The following CAMTA1 variants were observed in gnomAD, a reference collection of about 807,000 sequenced individuals.
CAMTA1 encodes calmodulin binding transcription activator 1, also known as calmodulin-binding transcription activator 1.
A neutral mutation model predicts 170.9 loss-of-function variants in CAMTA1; 27 were observed. That is an observed-to-expected ratio of 0.16 (90% CI 0.12 to 0.22). The LOEUF is 0.22. Ranked by LOEUF, CAMTA1 falls within the 10% of genes least tolerant of loss-of-function variation. The pLI is 1.00. For missense variants in CAMTA1, 1,619 were observed against 2,217.2 expected, an observed-to-expected ratio of 0.73 and a Z score of 5.42; for synonymous variants, 833 against 891.5, an observed-to-expected ratio of 0.93 and a Z score of 1.17.
chr1:7,174,663 C>A lies in CAMTA1; in HGVS notation c.303-74828C>A, dbSNP rs573522222. On this transcript the variant is annotated intron_variant, in intron 4 of 22. Transcript: ENST00000303635. Reference sequence around the variant, plus strand: ...GGGCGACTGCATAAAGAACCTGAGACCCAGTTCTGCAGAGCTCAGCTTCCT... The same window carrying A: ...GGGCGACTGCATAAAGAACCTGAGAACCAGTTCTGCAGAGCTCAGCTTCCT... Among the ~76,000 whole-genome samples the A allele has an allele frequency of 8.5e-5, 13 of 152,334 alleles. No homozygotes were observed. The South Asian group carries it at 2.7e-3, about 32-fold the overall frequency.
At chr1:6,872,216 C>T (rs1334477415) in intron 3 of CAMTA1, among the ~76,000 whole-genome samples, 2 of 150,610 alleles carry the variant, frequency 1.3e-5, no homozygotes, top group Non-Finnish European at 3.0e-5. Flanking sequence ...CACCTTATCA[C>T]ACATACACCC....
chr1:6,798,381 T>C (rs1485740206), intron 1 of CAMTA1, among the ~76,000 whole-genome samples: 1 of 152,184 alleles, frequency 6.6e-6, no homozygotes, highest in Non-Finnish European at 1.5e-5. Context: ...AGTTATGGGC[T>C]ATTATTATTA....
chr1:7,312,170 C>T (rs1185693723), intron 5 of CAMTA1, among the ~76,000 whole-genome samples: 2 of 152,124 alleles, frequency 1.3e-5, no homozygotes, highest in Non-Finnish European at 2.9e-5. Flanking sequence ...TTCTCCTTAC[C>T]TCCTTGGGAT....
chr1:6,905,980 G>A (rs570166278), intron 3 of CAMTA1, among the ~76,000 whole-genome samples: 3 of 152,334 alleles, frequency 2.0e-5, no homozygotes, highest in African/African-American at 7.2e-5. Flanking sequence ...TCAGATAGAT[G>A]TCCTGAAGGG....
intron 3 of CAMTA1, among the ~76,000 whole-genome samples, chr1:6,987,917 C>T (rs1373553261): frequency 6.6e-6 from 1 of 152,102 alleles, no homozygotes; most frequent in Non-Finnish European, 1.5e-5. Flanking sequence ...CAAGAGCCGG[C>T]GTCTGTCATC....
chr1:7,176,656 G>T (rs1327877737), intron 4 of CAMTA1, among the ~76,000 whole-genome samples: 2 of 152,202 alleles, frequency 1.3e-5, no homozygotes, highest in Admixed American at 6.5e-5. Context: ...GGGCATAGGA[G>T]CACTCACGGG....
intron 5 of CAMTA1, among the ~76,000 whole-genome samples, chr1:7,390,736 C>A (rs374717269): frequency 3.3e-5 from 5 of 152,258 alleles, no homozygotes; most frequent in Non-Finnish European, 5.9e-5. Context: ...ACCTCTCCCC[C>A]ACATGCATTC....
In CAMTA1 at chr1:7,293,186, G is replaced by A. The variant is rs1016504208; in HGVS notation, c.438+43560G>A. Among the ~76,000 whole-genome samples, 5 of 152,298 alleles carry A rather than the reference G, an allele frequency of 3.3e-5. No homozygotes were observed. In the South Asian group the frequency reaches 6.2e-4, roughly 19 times the overall value. On this transcript the variant is annotated intron_variant, in intron 5 of 22. Transcript: ENST00000303635. This position sits in a 1 kb window ranked among gnomAD's most constrained non-coding sequence, Gnocchi z 4.1. ...GGCTGCCTTCCTGGGAAGGGATTGC[G>A]CTGCAGAAGCTGGGGCTGGTAAAGG...
At position 7,547,898 on chromosome 1, in the gene CAMTA1, G is replaced by A. The variant is rs563774801; in HGVS notation, c.510+79997G>A. On this transcript the variant is annotated intron_variant, in intron 6 of 22. Transcript: ENST00000303635. The surrounding 1 kb of genome is among the most constrained non-coding windows in gnomAD (Gnocchi z 5.7). Reference sequence around the variant, plus strand: ...CACTGTGTGGACCCCCCACTCACCCGTCAATATGCCCTTATGCTGTTGTAA... The same window carrying A: ...CACTGTGTGGACCCCCCACTCACCCATCAATATGCCCTTATGCTGTTGTAA... 1.8e-4 allele frequency among the ~76,000 whole-genome samples: 28 copies of A among 152,052 alleles called. No individual in the cohort carries two copies. The South Asian group carries it at 2.7e-3, about 15-fold the overall frequency.
chr1:6,824,714 AT>A (rs1646913731), intron 2 of CAMTA1, among the ~76,000 whole-genome samples: 1 of 152,106 alleles, frequency 6.6e-6, no homozygotes, highest in African/African-American at 2.4e-5. Context: ...GAAACTTAAC[AT>A]TTTTTCAACT....
At chr1:7,401,508 G>T (rs1286124075) in intron 5 of CAMTA1, among the ~76,000 whole-genome samples, 1 of 151,430 alleles carries the variant, frequency 6.6e-6, no homozygotes, top group South Asian at 2.1e-4. Flanking sequence ...TTTAGAATTA[G>T]TTTGTTCACT....
At chr1:7,143,065 C>T (rs1645979900) in intron 4 of CAMTA1, among the ~76,000 whole-genome samples, 1 of 152,180 alleles carries the variant, frequency 6.6e-6, no homozygotes, top group African/African-American at 2.4e-5. Flanking sequence ...AGACAGGCTG[C>T]TGGACTAAGT....
chr1:7,370,016 G>A (rs1221931465), intron 5 of CAMTA1: 1 of 152,304 alleles, frequency 6.6e-6, no homozygotes, highest in Non-Finnish European at 1.5e-5. Flanking sequence ...GCCCACTGGT[G>A]ACGTGGGTCC....
intron 6 of CAMTA1, among the ~76,000 whole-genome samples, chr1:7,506,341 C>T (rs1287028909): frequency 6.6e-6 from 1 of 152,192 alleles, no homozygotes; most frequent in Non-Finnish European, 1.5e-5. Context: ...GAGCCCCGGC[C>T]CCACTCCCAG....
intron 6 of CAMTA1, among the ~76,000 whole-genome samples, chr1:7,625,146 G>A (rs1245378468): frequency 1.3e-5 from 2 of 152,196 alleles, no homozygotes; most frequent in Non-Finnish European, 2.9e-5. Flanking sequence ...TTAGCAGTGG[G>A]TGACGTCATC....
chr1:7,025,199 GGGGAGGCTTCT>G (rs1260036221), intron 3 of CAMTA1, among the ~76,000 whole-genome samples: 2 of 152,202 alleles, frequency 1.3e-5, no homozygotes, highest in African/African-American at 4.8e-5. Context: ...TCAGCGTTTG[GGGGAGGCTTCT>G]GGAAGCCTGA....
chr1:7,192,977 G>A (rs1654829274), intron 4 of CAMTA1, among the ~76,000 whole-genome samples: 2 of 152,152 alleles, frequency 1.3e-5, no homozygotes, highest in South Asian at 2.1e-4. Context: ...GTGGCACTGG[G>A]CAGGGGCTCA....
chr1:7,728,278 G>A (rs1407801556), intron 11 of CAMTA1, among the ~76,000 whole-genome samples: 7 of 152,242 alleles, frequency 4.6e-5, no homozygotes, highest in South Asian at 2.1e-4. Flanking sequence ...TGCAGTGCCC[G>A]TGCTTGGCGG....
chr1:7,124,734 G>T (rs568487884), intron 4 of CAMTA1, among the ~76,000 whole-genome samples: 17 of 152,244 alleles, frequency 1.1e-4, no homozygotes, highest in Admixed American at 4.6e-4. Context: ...GAAGCACGGC[G>T]CTGACAGCAG....
Sources: allele counts gnomAD v4.1 joint callset (sites outside exome capture counted in the v4.1 genomes callset), GRCh38; gene constraint gnomAD v4.1.1; non-coding constraint Gnocchi (gnomAD v3.1); transcripts MANE v1.5; gene names NCBI Gene and HGNC (gene_info 2026-07-23, HGNC 2026-07-21).